Variants in YEATS4 observed in about 807,000 individuals in gnomAD.
YEATS4 encodes the protein YEATS domain containing 4, also known as YEATS domain-containing protein 4.
YEATS4 carries 17 observed loss-of-function variants against 30.1 expected under a neutral mutation model. That is an observed-to-expected ratio of 0.56 (90% CI 0.39 to 0.85). The LOEUF is 0.85. Ranked by LOEUF, YEATS4 falls within the 40% of genes least tolerant of loss-of-function variation. YEATS4 has a pLI of 0.00. For synonymous variants in YEATS4, 85 were observed against 87.5 expected (o/e 0.97, Z 0.16); for missense variants, 142 against 268.3 (o/e 0.53, Z 3.29).
intron 1 of YEATS4, 22 bp from the exon 2 acceptor site, chr12:69,362,766 T>C: frequency 6.4e-7 from 1 of 1,565,808 alleles, no homozygotes; most frequent in Non-Finnish European, 8.7e-7. Context: ...ATTCATTTAT[T>C]TTAAAATTAT....
chr12:69,396,313 G>T, the YEATS4 span, among the ~76,000 whole-genome samples: 1 of 152,332 alleles, frequency 6.6e-6, no homozygotes, highest in African/African-American at 2.4e-5. Context: ...TGATAAGGGA[G>T]TAGAGCCATG....
rs748756634 is a variant in YEATS4, at chr12:69,375,527, G to C, written c.514+4552G>C. Among the ~76,000 whole-genome samples the C allele has an allele frequency of 3.1e-4, 47 of 152,146 alleles. 1 individual carries two copies. The highest frequency in any genetic ancestry group is 5.3e-4 in the Non-Finnish European group (36 of 68,014). On this transcript the variant is annotated intron_variant, in intron 6 of 6. Transcript: ENST00000247843. ...GCGGCCGGGCAGAGGCTGTAATCTC[G>C]GCACTTTGGGAGGCCAAGGCAGGCG... is the stretch of plus-strand genomic sequence containing the variant.
chr12:69,370,398 A>G (rs753341525), intron 4 of YEATS4, among the ~76,000 whole-genome samples: 1 of 152,208 alleles, frequency 6.6e-6, no homozygotes, highest in Non-Finnish European at 1.5e-5. Flanking sequence ...TTCATGTTTT[A>G]GTGATTTCTC....
At chr12:69,408,789 T>C in the YEATS4 span, among the ~76,000 whole-genome samples, 1,712 of 152,338 alleles carry the variant, frequency 0.011, 12 homozygotes, top group Non-Finnish European at 0.018. Context: ...GACCTTTCAA[T>C]ATGCTCTCAT....
intron 6 of YEATS4, among the ~76,000 whole-genome samples, chr12:69,380,726 G>C (rs1876042007): frequency 6.6e-6 from 1 of 152,176 alleles, no homozygotes; most frequent in African/African-American, 2.4e-5. Context: ...TTTCACGTAG[G>C]TTCTTTCCTA....
the YEATS4 span, among the ~76,000 whole-genome samples, chr12:69,402,105 TG>T: frequency 1.3e-5 from 2 of 152,346 alleles, no homozygotes; most frequent in East Asian, 3.9e-4. Context: ...AAGTGCTCCA[TG>T]GCATTTTACT....
chr12:69,403,731 C>A, the YEATS4 span, among the ~76,000 whole-genome samples: 3 of 152,160 alleles, frequency 2.0e-5, no homozygotes, highest in Non-Finnish European at 4.4e-5. Flanking sequence ...GAATTCATTT[C>A]CTAACCTCCT....
At chr12:69,383,539 C>G (rs141757667) in intron 6 of YEATS4, among the ~76,000 whole-genome samples, 95 of 152,240 alleles carry the variant, frequency 6.2e-4, no homozygotes, top group Non-Finnish European at 6.0e-4. Context: ...GAATGAAGAA[C>G]AAACAGCAAA....
At chr12:69,384,460 C>G (rs1876198926) in intron 6 of YEATS4, among the ~76,000 whole-genome samples, 2 of 152,114 alleles carry the variant, frequency 1.3e-5, no homozygotes, top group East Asian at 1.9e-4. Context: ...ATCTTTAGTT[C>G]ATTTTCTTAA....
At chr12:69,417,006 G>T in the YEATS4 span, among the ~76,000 whole-genome samples, 1 of 151,710 alleles carries the variant, frequency 6.6e-6, no homozygotes, top group African/African-American at 2.4e-5. Flanking sequence ...CCAGGAGGCG[G>T]AGGTTGCAGT....
At chr12:69,364,311 G>T (rs1875346293) in intron 2 of YEATS4, 1 of 267,526 alleles carries the variant, frequency 3.7e-6, no homozygotes, top group African/African-American at 2.3e-5. Context: ...TATCATTATA[G>T]TAAGATTCCA....
At chr12:69,385,852 A>G (rs978794157) in intron 6 of YEATS4, among the ~76,000 whole-genome samples, 2 of 152,224 alleles carry the variant, frequency 1.3e-5, no homozygotes, top group African/African-American at 2.4e-5. Context: ...TAGGAGGAAG[A>G]TACTATGATT....
the YEATS4 span, chr12:69,423,143 G>A: frequency 6.6e-6 from 1 of 152,240 alleles, no homozygotes; most frequent in African/African-American, 2.4e-5. Context: ...GGTGAGGAGT[G>A]TCTGAAATGG....
At chr12:69,382,376 G>GGTTTCCTTTTT (rs1192036234) in intron 6 of YEATS4, among the ~76,000 whole-genome samples, 1 of 152,198 alleles carries the variant, frequency 6.6e-6, no homozygotes, top group African/African-American at 2.4e-5. Flanking sequence ...CTGGTGCTCT[G>GGTTTCCTTTTT]TTTTACTGTG....
At chr12:69,370,669 C>T (rs1438430701) in intron 4 of YEATS4, 37 bp from the exon 5 acceptor site, 1 of 1,479,860 alleles carries the variant, frequency 6.8e-7, no homozygotes, top group African/African-American at 1.4e-5. Flanking sequence ...ATGATAAAAA[C>T]CATTGCACAG....
the YEATS4 span, among the ~76,000 whole-genome samples, chr12:69,414,638 C>T: frequency 6.6e-6 from 1 of 152,202 alleles, no homozygotes; most frequent in African/African-American, 2.4e-5. Flanking sequence ...CTGTCCAGAA[C>T]ATTTTATTGA....
chr12:69,424,285 G>C, the YEATS4 span, among the ~76,000 whole-genome samples: 1 of 152,118 alleles, frequency 6.6e-6, no homozygotes, highest in Non-Finnish European at 1.5e-5. Context: ...AATTGAGGGA[G>C]CGAAAGATCC....
At chr12:69,371,293 T>C (rs1875628616) in intron 6 of YEATS4, among the ~76,000 whole-genome samples, 1 of 152,232 alleles carries the variant, frequency 6.6e-6, no homozygotes, top group Admixed American at 6.5e-5. Flanking sequence ...TACTAGTCTT[T>C]GCTAACAAAA....
At chr12:69,379,356 C>T (rs775303492) in intron 6 of YEATS4, among the ~76,000 whole-genome samples, 15 of 151,416 alleles carry the variant, frequency 9.9e-5, no homozygotes, top group Admixed American at 4.6e-4. Flanking sequence ...ACTTTCTACT[C>T]CTCTCTCTCT....
Sources: gnomAD v4.1 joint callset for allele counts (sites outside exome capture counted in the v4.1 genomes callset) on GRCh38, gnomAD v4.1.1 for gene constraint, MANE v1.5 for transcripts, NCBI Gene and HGNC (gene_info 2026-07-23, HGNC 2026-07-21) for gene names.